The following ELK3 variants were observed in gnomAD, a reference collection of about 807,000 sequenced individuals.
ELK3 encodes the protein ETS domain-containing protein Elk-3.
Under a neutral mutation model 28.9 loss-of-function variants are expected in ELK3, and 10 were observed. The observed-to-expected ratio is 0.35, with a 90% CI of 0.21 to 0.59. ELK3 has a LOEUF of 0.59. ELK3 is among the 20% of genes least tolerant of loss of function. The pLI, the probability that ELK3 is intolerant of heterozygous loss-of-function variation, is 0.82. For synonymous variants in ELK3, 272 were observed against 243.5 expected (o/e 1.12, Z -1.09); for missense variants, 463 against 517.3 (o/e 0.90, Z 1.02).
chr12:96,247,692 C>T lies in ELK3; in HGVS notation c.960C>T (p.Ala320=), dbSNP rs1951869762. 3.1e-6 allele frequency: 5 copies of T among 1,607,524 alleles called. No individual in the cohort carries two copies. In the African/African-American group the frequency reaches 5.4e-5, roughly 17 times the overall value. The part of the protein sequence containing the change: ...DIGSIALNSP[A]LPSGSLTPAF... ...GCTCCATCGCCCTCAACAGCCCAGCCCTCCCCTCGGGATCCCTCACCCCAG... is the reference window on the plus strand; with the variant it reads ...GCTCCATCGCCCTCAACAGCCCAGCTCTCCCCTCGGGATCCCTCACCCCAG... Residue 320 remains alanine (A), a synonymous_variant, in exon 3 of 5, where the codon GCC becomes GCT. Transcript: ENST00000228741. This position sits in a 1 kb window ranked among gnomAD's most constrained non-coding sequence, Gnocchi z 5.5.
rs769828942 is a variant in ELK3, at chr12:96,268,332, G to GTATT, written c.*1153_*1156dup. The GTATT allele has an allele frequency of 2.0e-5, 3 of 152,156 alleles. No individual in the cohort carries two copies. Among genetic ancestry groups the GTATT allele is most frequent in the Non-Finnish European group, 2.9e-5 (2 of 67,998 alleles). The allele number at this position is 152,156 out of a possible 1,614,324, so 9.4% of individuals were successfully genotyped here. On this transcript the variant is annotated 3_prime_UTR_variant, in exon 5 of 5. Transcript: ENST00000228741. ...ACTGAGAGAGGATACACTGCTTTAT[G>GTATT]TATTACTAAAGTTAGGGGAGAATGA...
In ELK3 at chr12:96,267,219, A is replaced by C; in HGVS notation, c.*39A>C. 6.4e-7 allele frequency: 1 copy of C among 1,574,250 alleles called. No individual in the cohort carries two copies. Among genetic ancestry groups the C allele is most frequent in the Non-Finnish European group, 8.7e-7 (1 of 1,154,016 alleles). Reference sequence around the variant, plus strand: ...CAATTAAGGACTCATTAACTGATGAAACAAATTTGTCCCCACGGGCTAGTT... The same window carrying C: ...CAATTAAGGACTCATTAACTGATGACACAAATTTGTCCCCACGGGCTAGTT... On this transcript the variant is annotated 3_prime_UTR_variant, in exon 5 of 5. Transcript: ENST00000228741.
At chr12:96,216,805 A>T (rs964243216) in intron 1 of ELK3, among the ~76,000 whole-genome samples, 1 of 152,208 alleles carries the variant, frequency 6.6e-6, no homozygotes, top group Non-Finnish European at 1.5e-5. Flanking sequence ...ACCTATGAGG[A>T]TACTGAGGCA....
chr12:96,198,198 CTCAG>C (rs1951484828), intron 1 of ELK3: 1 of 152,204 alleles, frequency 6.6e-6, no homozygotes. Flanking sequence ...TAAGGAATGA[CTCAG>C]TCATCTCCAT....
intron 1 of ELK3, among the ~76,000 whole-genome samples, chr12:96,210,563 ACG>A (rs200900036): frequency 0.02 from 2,962 of 145,142 alleles, 40 homozygotes; most frequent in Middle Eastern, 0.038. Flanking sequence ...GCGCGGGCGC[ACG>A]CACACACACA....
intron 1 of ELK3, among the ~76,000 whole-genome samples, chr12:96,210,258 G>T (rs1224176146): frequency 6.6e-6 from 1 of 151,998 alleles, no homozygotes. Context: ...TTTTTTCGGG[G>T]CATGTTGTGG....
At chr12:96,234,777 G>C (rs957206510) in intron 2 of ELK3, among the ~76,000 whole-genome samples, 1 of 152,194 alleles carries the variant, frequency 6.6e-6, no homozygotes, top group Non-Finnish European at 1.5e-5. Context: ...ACGGACTCAA[G>C]ATGCAGCAGC....
At chr12:96,226,545 T>C (rs528103441) in intron 2 of ELK3, among the ~76,000 whole-genome samples, 54 of 147,692 alleles carry the variant, frequency 3.7e-4, no homozygotes, top group Non-Finnish European at 6.5e-4. Context: ...TCCACACAGA[T>C]GTCCACATGT....
intron 2 of ELK3, among the ~76,000 whole-genome samples, chr12:96,239,594 T>C (rs960258039): frequency 3.3e-5 from 5 of 152,222 alleles, no homozygotes; most frequent in South Asian, 2.1e-4. Flanking sequence ...TTCTCTGTAC[T>C]GGTTCCTTTC....
intron 2 of ELK3, among the ~76,000 whole-genome samples, chr12:96,229,399 T>C (rs1239225512): frequency 1.3e-5 from 2 of 152,146 alleles, no homozygotes; most frequent in African/African-American, 4.8e-5. Flanking sequence ...GACTCTTTCT[T>C]GGCCTCTCCC....
Position 96,247,312 on chromosome 12 carries a change from G to A in ELK3, c.580G>A (p.Val194Ile), listed in dbSNP as rs761945544. Residue 194 changes from valine to isoleucine, a missense_variant, in exon 3 of 5, where the codon GTC (valine) becomes ATC (isoleucine). Around this residue, in one of 2 missense-constraint regions of ELK3, gnomAD observed 408 missense variants for 414.8 expected, o/e 0.98. Transcript: ENST00000228741. The surrounding 1 kb of genome is among the most constrained non-coding windows in gnomAD (Gnocchi z 5.5). Reference sequence around the variant, plus strand: ...TGTGACCAATAAAACCGACAAGCACGTCACCAGGCCGGTGGTGTCCCTGCC... The same window carrying A: ...TGTGACCAATAAAACCGACAAGCACATCACCAGGCCGGTGGTGTCCCTGCC... Reference protein sequence around the residue: ...RFVTNKTDKHVTRPVVSLPST... With the variant: ...RFVTNKTDKHITRPVVSLPST... 27 of 1,614,134 alleles carry A rather than the reference G, an allele frequency of 1.7e-5. No homozygotes were observed. The African/African-American group carries it at 2.0e-4, about 12-fold the overall frequency.
At chr12:96,265,258 C>A (rs922699729) in intron 4 of ELK3, among the ~76,000 whole-genome samples, 1 of 152,038 alleles carries the variant, frequency 6.6e-6, no homozygotes, top group Non-Finnish European at 1.5e-5. Flanking sequence ...GAAACTATGT[C>A]CATTGAGTAT....
intron 4 of ELK3, among the ~76,000 whole-genome samples, chr12:96,263,915 C>A (rs770839280): frequency 4.6e-5 from 7 of 152,114 alleles, no homozygotes; most frequent in Non-Finnish European, 8.8e-5. Context: ...AGAGAACAAT[C>A]ACTGATATTA....
In ELK3 at chr12:96,218,990, A is replaced by C. The variant is rs192502056; in HGVS notation, c.-2-4575A>C. Among the ~76,000 whole-genome samples, 639 of 152,372 alleles carry C rather than the reference A, an allele frequency of 4.2e-3. 4 individuals carry two copies. Among genetic ancestry groups the C allele is most frequent in the African/African-American group, 0.015 (604 of 41,592 alleles). On this transcript the variant is annotated intron_variant, in intron 1 of 4. Transcript: ENST00000228741. ...ATTAGATAAAGGGAATTTTAAAAAA[A>C]AGATTTCTAGCATGCCTTTTATGTG...
intron 1 of ELK3, among the ~76,000 whole-genome samples, chr12:96,196,753 T>G (rs1050235960): frequency 2.1e-5 from 3 of 143,044 alleles, no homozygotes; most frequent in Admixed American, 6.8e-5. Flanking sequence ...AAGTGTTTTT[T>G]TTTTTTTTTT....
chr12:96,222,757 C>G (rs891620206), intron 1 of ELK3: 2 of 152,218 alleles, frequency 1.3e-5, no homozygotes, highest in African/African-American at 4.8e-5. Flanking sequence ...TTAGTTCTTT[C>G]TCACATTGCT....
At chr12:96,230,239 T>A (rs933242345) in intron 2 of ELK3, among the ~76,000 whole-genome samples, 2 of 152,150 alleles carry the variant, frequency 1.3e-5, no homozygotes, top group African/African-American at 4.8e-5. Context: ...ATAGCCTTGG[T>A]GTGTGATAGG....
At position 96,198,464 on chromosome 12, in the gene ELK3, C is replaced by T. The variant is rs574342649; in HGVS notation, c.-3+3759C>T. 1.2e-4 allele frequency among the ~76,000 whole-genome samples: 18 copies of T among 152,322 alleles called. No individual in the cohort carries two copies. The South Asian group carries it at 3.5e-3, about 30-fold the overall frequency. Reference sequence around the variant, plus strand: ...TCTGACCCTTTCCTAAGGTTCTGTACATAAATACGCAGATGAGAGGGGAAG... The same window carrying T: ...TCTGACCCTTTCCTAAGGTTCTGTATATAAATACGCAGATGAGAGGGGAAG... On this transcript the variant is annotated intron_variant, in intron 1 of 4. Coordinates refer to ENST00000228741, the MANE Select transcript of ELK3 (RefSeq NM_005230.4).
chr12:96,206,154 G>T (rs892321768), intron 1 of ELK3, among the ~76,000 whole-genome samples: 1 of 151,692 alleles, frequency 6.6e-6, no homozygotes, highest in African/African-American at 2.4e-5. Context: ...TCCTTTGTGT[G>T]TTTTTTTTAA....
Sources: gnomAD v4.1 joint callset for allele counts (sites outside exome capture counted in the v4.1 genomes callset) on GRCh38, gnomAD v4.1.1 for gene constraint, gnomAD v4.1.1 regional missense constraint, Gnocchi (gnomAD v3.1) non-coding constraint, MANE v1.5 for transcripts, NCBI Gene and HGNC (gene_info 2026-07-23, HGNC 2026-07-21) for gene names.